Variants in DEPTOR observed in about 807,000 individuals in gnomAD.
DEPTOR encodes DEP domain-containing mTOR-interacting protein.
Under a neutral mutation model 41.6 loss-of-function variants are expected in DEPTOR, and 41 were observed. The observed-to-expected ratio is 0.98, with a 90% CI of 0.77 to 1.28. The LOEUF is 1.28. Ranked by LOEUF, DEPTOR falls within the 50% of genes most tolerant of loss-of-function variation. DEPTOR has a pLI of 0.00. For synonymous variants in DEPTOR, 195 were observed against 192.3 expected, an observed-to-expected ratio of 1.01 and a Z score of -0.12; for missense variants, 514 against 527.9, an observed-to-expected ratio of 0.97 and a Z score of 0.26.
At chr8:119,988,267 G>A (rs1307342807) in intron 4 of DEPTOR, among the ~76,000 whole-genome samples, 2 of 152,200 alleles carry the variant, frequency 1.3e-5, no homozygotes, top group African/African-American at 4.8e-5. Flanking sequence ...AAGGAAGGGA[G>A]TTCCCTGACC....
At chr8:120,037,918 A>G (rs1348252264) in intron 8 of DEPTOR, among the ~76,000 whole-genome samples, 1 of 152,188 alleles carries the variant, frequency 6.6e-6, no homozygotes, top group Non-Finnish European at 1.5e-5. Context: ...ATGATTATCA[A>G]GTGAGCATTA....
intron 8 of DEPTOR, among the ~76,000 whole-genome samples, chr8:120,024,777 A>G (rs1812773595): frequency 6.6e-6 from 1 of 152,136 alleles, no homozygotes; most frequent in African/African-American, 2.4e-5. Context: ...AGCATCCAGA[A>G]TGTGAGACAA....
In DEPTOR at chr8:119,965,398, A is replaced by C; in HGVS notation, c.592A>C (p.Ile198Leu). 1 of 1,613,626 alleles carries C rather than the reference A, an allele frequency of 6.2e-7. No individual in the cohort carries two copies. The highest frequency in any genetic ancestry group is 8.5e-7 in the Non-Finnish European group (1 of 1,179,926). ...TTGCCACCGGCTTATGGAGCATGGCATCATCCAGCATGGTGAGCGTATTGG... is the reference window on the plus strand; with the variant it reads ...TTGCCACCGGCTTATGGAGCATGGCCTCATCCAGCATGGTGAGCGTATTGG... ...QLCHRLMEHG[I>L]IQHVSNKHPF... The change falls in exon 4 of 9, where the codon ATC becomes CTC. Residue 198 changes from isoleucine (I) to leucine (L), a missense_variant. Transcript: ENST00000286234.
intron 4 of DEPTOR, among the ~76,000 whole-genome samples, chr8:119,968,132 T>C (rs868214446): frequency 2.6e-5 from 4 of 152,186 alleles, no homozygotes; most frequent in Admixed American, 1.3e-4. Context: ...GAGATGGTTA[T>C]AGAAGCAATT....
chr8:119,997,702 C>T (rs972332033), intron 4 of DEPTOR, among the ~76,000 whole-genome samples: 2 of 152,078 alleles, frequency 1.3e-5, no homozygotes, highest in Admixed American at 6.6e-5. Flanking sequence ...TAGTAGGGAC[C>T]CAGGTTGTGA....
chr8:120,044,083 A>AG (rs899234178), intron 8 of DEPTOR, among the ~76,000 whole-genome samples: 2 of 151,518 alleles, frequency 1.3e-5, no homozygotes, highest in African/African-American at 4.9e-5. Context: ...AAAAAAAAAA[A>AG]GAAAAAAGAA....
chr8:120,001,736 G>A (rs376257726), intron 5 of DEPTOR, 26 bp downstream of exon 5: 25 of 1,592,616 alleles, frequency 1.6e-5, no homozygotes, highest in Non-Finnish European at 2.1e-5. Flanking sequence ...ATTTATTGGA[G>A]CTCAAGTGTT....
chr8:119,955,003 T>C (rs1176264229), intron 3 of DEPTOR, among the ~76,000 whole-genome samples: 1 of 151,746 alleles, frequency 6.6e-6, no homozygotes, highest in Non-Finnish European at 1.5e-5. Context: ...GGATTACAGG[T>C]GCCCGCCACC....
intron 3 of DEPTOR, among the ~76,000 whole-genome samples, 170 bp from the exon 4 acceptor site, chr8:119,965,062 A>G (rs1240803665): frequency 6.6e-6 from 1 of 152,182 alleles, no homozygotes; most frequent in Non-Finnish European, 1.5e-5. Flanking sequence ...AACAAGAGCG[A>G]AAATCTGTCT....
At chr8:119,908,641 C>T (rs1046402526) in intron 1 of DEPTOR, among the ~76,000 whole-genome samples, 4 of 152,102 alleles carry the variant, frequency 2.6e-5, no homozygotes, top group Non-Finnish European at 5.9e-5. Context: ...GCTGGGACTA[C>T]AGGCATGCGT....
intron 3 of DEPTOR, among the ~76,000 whole-genome samples, chr8:119,951,088 C>CACACACAT (rs1465084207): frequency 1.3e-5 from 2 of 151,828 alleles, no homozygotes; most frequent in African/African-American, 4.8e-5. Context: ...CACACACACA[C>CACACACAT]ACACACATCA....
intron 8 of DEPTOR, among the ~76,000 whole-genome samples, chr8:120,046,352 C>T (rs183412855): frequency 3.9e-4 from 59 of 151,964 alleles, no homozygotes; most frequent in African/African-American, 1.3e-3. Context: ...TTCCATGCCC[C>T]ACCCCACCAC....
chr8:120,031,482 A>T lies in DEPTOR; in HGVS notation c.1102-18094A>T, dbSNP rs554515173. On this transcript the variant is annotated intron_variant, in intron 8 of 8. Transcript: ENST00000286234. ...TCTGTCTCAAAATAATAATAATAAT[A>T]ATAAAATGCATATTTGCATTTACTT... Among the ~76,000 whole-genome samples, 269 of 152,112 alleles carry T rather than the reference A, an allele frequency of 1.8e-3. 2 individuals carry two copies. Among genetic ancestry groups the T allele is most frequent in the African/African-American group, 6.2e-3 (256 of 41,490 alleles).
At chr8:120,008,085 C>G (rs1450150238) in intron 7 of DEPTOR, among the ~76,000 whole-genome samples, 3 of 152,208 alleles carry the variant, frequency 2.0e-5, no homozygotes, top group African/African-American at 7.2e-5. Flanking sequence ...ACTGCCAGCT[C>G]TAATAATGAT....
In DEPTOR at chr8:119,965,226, TC is replaced by T. The variant is rs1828541370; in HGVS notation, c.426-3del. ...TTACTTTTCTTTTCCCTTTTTTTCT[TC>T]CCAGGCTGATGAGCCCTGAAAACAC... On this transcript the variant is annotated splice_polypyrimidine_tract_variant and splice_region_variant and intron_variant, in intron 3 of 8. Transcript: ENST00000286234. 5 of 1,603,618 alleles carry T rather than the reference TC, an allele frequency of 3.1e-6. No individual in the cohort carries two copies. The highest frequency in any genetic ancestry group is 1.8e-5 in the Admixed American group (1 of 56,622).
At chr8:119,908,414 C>T (rs13267896) in intron 1 of DEPTOR, among the ~76,000 whole-genome samples, 1 of 151,820 alleles carries the variant, frequency 6.6e-6, no homozygotes, top group Non-Finnish European at 1.5e-5. Flanking sequence ...CATAGTGAGA[C>T]CCTGGTAGTA....
At chr8:119,970,742 T>C (rs1828620882) in intron 4 of DEPTOR, among the ~76,000 whole-genome samples, 1 of 152,158 alleles carries the variant, frequency 6.6e-6, no homozygotes, top group Non-Finnish European at 1.5e-5. Context: ...AGTGAAAGGA[T>C]ACACAGCAGG....
At chr8:120,003,693 G>T (rs533951331) in intron 6 of DEPTOR, among the ~76,000 whole-genome samples, 1 of 152,272 alleles carries the variant, frequency 6.6e-6, no homozygotes, top group East Asian at 1.9e-4. Flanking sequence ...GCTATCCCTG[G>T]AATTGACCCT....
rs113921675 is a variant in DEPTOR, at chr8:120,049,791, A to C, written c.*87A>C. 6.4e-7 allele frequency: 1 copy of C among 1,555,630 alleles called. No individual in the cohort carries two copies. On this transcript the variant is annotated 3_prime_UTR_variant, in exon 9 of 9. Coordinates refer to ENST00000286234, the MANE Select transcript of DEPTOR (RefSeq NM_022783.4). Reference sequence around the variant, plus strand: ...CAATGCAAAGACAAGATTGCCATGCAAATGGATGGTTTTGGACATACGAGT... The same window carrying C: ...CAATGCAAAGACAAGATTGCCATGCCAATGGATGGTTTTGGACATACGAGT...
Sources: gnomAD v4.1 joint callset for allele counts (sites outside exome capture counted in the v4.1 genomes callset) on GRCh38, gnomAD v4.1.1 for gene constraint, MANE v1.5 for transcripts, NCBI Gene and HGNC (gene_info 2026-07-23, HGNC 2026-07-21) for gene names.